The following TRAPPC9 variants were observed in gnomAD, a reference collection of about 807,000 sequenced individuals.
TRAPPC9 encodes the protein trafficking protein particle complex subunit 9.
In TRAPPC9, 83 loss-of-function variants were observed where a neutral mutation model predicts 124.0. The observed-to-expected ratio is 0.67, with a 90% CI of 0.56 to 0.80. The LOEUF is 0.80. Among genes scored for constraint, TRAPPC9 ranks in the 30% least tolerant of loss-of-function variants. The pLI is 0.00. For synonymous variants in TRAPPC9, 638 were observed against 617.5 expected, an observed-to-expected ratio of 1.03 and a Z score of -0.49; for missense variants, 1,302 against 1,508.3, an observed-to-expected ratio of 0.86 and a Z score of 2.27.
At chr8:139,993,895 A>G (rs1837802397) in intron 18 of TRAPPC9, among the ~76,000 whole-genome samples, 1 of 152,228 alleles carries the variant, frequency 6.6e-6, no homozygotes, top group African/African-American at 2.4e-5. Flanking sequence ...CAAGAGACAC[A>G]GTGTGGAAGA....
intron 21 of TRAPPC9, among the ~76,000 whole-genome samples, chr8:139,772,499 A>T (rs946164161): frequency 2.6e-5 from 4 of 152,142 alleles, no homozygotes; most frequent in African/African-American, 9.7e-5. Flanking sequence ...GAGAAGTCCC[A>T]CACTCTGCCT....
intron 17 of TRAPPC9, among the ~76,000 whole-genome samples, chr8:140,112,743 G>C (rs1192898415): frequency 1.3e-5 from 2 of 152,112 alleles, no homozygotes; most frequent in Non-Finnish European, 2.9e-5. Context: ...CTTTTAATAG[G>C]TGGCCTTGCA....
chr8:139,743,886 T>C (rs957924166), intron 21 of TRAPPC9, among the ~76,000 whole-genome samples: 1 of 152,230 alleles, frequency 6.6e-6, no homozygotes, highest in Admixed American at 6.5e-5. Flanking sequence ...TCCCTCTTTA[T>C]TGATGACAGC....
At chr8:139,887,414 G>T (rs929896486) in intron 20 of TRAPPC9, among the ~76,000 whole-genome samples, 7 of 151,950 alleles carry the variant, frequency 4.6e-5, no homozygotes, top group Non-Finnish European at 4.4e-5. Context: ...GTAGAGATGG[G>T]GTTTCACCAT....
chr8:140,294,031 C>CA (rs1446233379), intron 11 of TRAPPC9, among the ~76,000 whole-genome samples: 1 of 152,032 alleles, frequency 6.6e-6, no homozygotes, highest in Non-Finnish European at 1.5e-5. Context: ...GCCCGTTCTA[C>CA]AAAAAAGGAG....
intron 6 of TRAPPC9, among the ~76,000 whole-genome samples, chr8:140,401,372 A>G (rs1438040594): frequency 6.6e-6 from 1 of 152,240 alleles, no homozygotes; most frequent in Non-Finnish European, 1.5e-5. Context: ...ACGATCAGAA[A>G]AAGGAGCTAC....
intron 9 of TRAPPC9, among the ~76,000 whole-genome samples, chr8:140,314,673 C>A (rs2066398069): frequency 6.6e-6 from 1 of 152,230 alleles, no homozygotes; most frequent in Non-Finnish European, 1.5e-5. Flanking sequence ...AAATTTCACA[C>A]CTGAGGAAGA....
intron 14 of TRAPPC9, among the ~76,000 whole-genome samples, chr8:140,279,609 C>T (rs1057409442): frequency 6.6e-6 from 1 of 152,206 alleles, no homozygotes; most frequent in African/African-American, 2.4e-5. Context: ...TCCCCAGGGC[C>T]CAGGCTCGGT....
At chr8:140,300,446 GA>G (rs778540558) in intron 11 of TRAPPC9, 22 bp downstream of exon 11, 1 of 1,614,024 alleles carries the variant, frequency 6.2e-7, no homozygotes, top group Non-Finnish European at 8.5e-7. Flanking sequence ...AGCACGGTGG[GA>G]AAGCCAGGAT....
intron 18 of TRAPPC9, among the ~76,000 whole-genome samples, chr8:140,017,445 AC>A (rs1283387854): frequency 6.6e-6 from 1 of 152,232 alleles, no homozygotes; most frequent in Non-Finnish European, 1.5e-5. Flanking sequence ...CCCCACACAG[AC>A]GTCCAGTTGT....
At chr8:139,789,497 A>G (rs1289120816) in intron 21 of TRAPPC9, among the ~76,000 whole-genome samples, 1 of 151,740 alleles carries the variant, frequency 6.6e-6, no homozygotes, top group Non-Finnish European at 1.5e-5. Flanking sequence ...TACATCTCAG[A>G]CCTCCTGAGC....
chr8:140,080,797 T>G (rs1843770510), intron 17 of TRAPPC9, among the ~76,000 whole-genome samples: 1 of 152,186 alleles, frequency 6.6e-6, no homozygotes, highest in Non-Finnish European at 1.5e-5. Flanking sequence ...TGAATTCTAG[T>G]GCTATGGGCC....
chr8:139,988,437 T>A (rs1161812585), intron 19 of TRAPPC9, among the ~76,000 whole-genome samples: 1 of 152,048 alleles, frequency 6.6e-6, no homozygotes, highest in Non-Finnish European at 1.5e-5. Context: ...CTCAAGAATT[T>A]AACAGCAAAG....
At chr8:140,389,496 C>T (rs2068861620) in intron 7 of TRAPPC9, among the ~76,000 whole-genome samples, 1 of 152,150 alleles carries the variant, frequency 6.6e-6, no homozygotes, top group Admixed American at 6.5e-5. Flanking sequence ...GCGAGTGCCA[C>T]AGGATGGAAC....
chr8:139,816,477 C>T (rs953054452), intron 21 of TRAPPC9, among the ~76,000 whole-genome samples: 2 of 152,088 alleles, frequency 1.3e-5, no homozygotes, highest in African/African-American at 2.4e-5. Context: ...CTGGGAGAGA[C>T]GCAAGGGGGC....
rs1476347223 is a variant in TRAPPC9, at chr8:140,157,019, TC to T, written c.2556+64439del. Among the ~76,000 whole-genome samples the T allele has an allele frequency of 3.7e-5, 3 of 81,458 alleles. No homozygotes were observed. The Admixed American group carries it at 3.7e-4, about 10-fold the overall frequency. 53.4% of individuals were successfully genotyped at this position (81,458 alleles called of 152,430 possible). A position where few individuals can be genotyped will look rare whatever the true frequency, so the allele number is the denominator to read the frequency against. ...AGCCTCCCTTTTCCATTCAGAAGCC[TC>T]CCTTTTCCATTCAAAAGCCTCCCTT... On this transcript the variant is annotated intron_variant, in intron 17 of 22. Coordinates refer to ENST00000438773, the MANE Select transcript of TRAPPC9 (RefSeq NM_001160372.4).
chr8:140,175,001 A>ATTTTTTT (rs35949640), intron 17 of TRAPPC9, among the ~76,000 whole-genome samples: 1 of 141,002 alleles, frequency 7.1e-6, no homozygotes. Context: ...GCACCTGGGG[A>ATTTTTTT]TTTTTTTTTT....
intron 19 of TRAPPC9, among the ~76,000 whole-genome samples, chr8:139,978,594 T>C (rs894389734): frequency 1.3e-5 from 2 of 152,138 alleles, no homozygotes; most frequent in Non-Finnish European, 2.9e-5. Flanking sequence ...CATTGCTGCT[T>C]GTTGAAGGTG....
chr8:140,458,068 GC>G (rs1385664903), upstream of TRAPPC9, among the ~76,000 whole-genome samples: 5 of 117,108 alleles, frequency 4.3e-5, no homozygotes, highest in African/African-American at 1.8e-4. Context: ...AGAGAGAGAA[GC>G]GGGGGACAGG....
Sources: gnomAD v4.1 joint callset for allele counts (sites outside exome capture counted in the v4.1 genomes callset) on GRCh38, gnomAD v4.1.1 for gene constraint, MANE v1.5 for transcripts, NCBI Gene and HGNC (gene_info 2026-07-23, HGNC 2026-07-21) for gene names.